Variants in NSG2 observed in about 807,000 individuals in gnomAD.
NSG2 encodes the protein neuronal vesicle trafficking associated 2, also known as neuronal vesicle trafficking-associated protein 2.
Under a neutral mutation model 16.9 loss-of-function variants are expected in NSG2, and 4 were observed. The ratio of observed to expected loss-of-function variants is 0.24; its 90% CI spans 0.12 to 0.54. The LOEUF (loss-of-function observed/expected upper bound fraction) is 0.54. NSG2 is among the 20% of genes least tolerant of loss of function. NSG2 has a pLI of 0.95. For missense variants in NSG2, 179 were observed against 221.1 expected, an observed-to-expected ratio of 0.81 and a Z score of 1.21; for synonymous variants, 98 against 88.7, an observed-to-expected ratio of 1.11 and a Z score of -0.59.
chr5:174,067,984 A>C (rs1162716301), intron 3 of NSG2, among the ~76,000 whole-genome samples: 1 of 152,012 alleles, frequency 6.6e-6, no homozygotes, highest in African/African-American at 2.4e-5. Flanking sequence ...CCACCCTTGG[A>C]ACTAATAGGT....
At chr5:174,047,868 A>G (rs1243939901) in intron 2 of NSG2, among the ~76,000 whole-genome samples, 2 of 152,234 alleles carry the variant, frequency 1.3e-5, no homozygotes, top group Admixed American at 6.5e-5. Flanking sequence ...GAGGCCAATG[A>G]TGGAGTTCCC....
At chr5:174,048,436 A>G (rs994550502) in intron 2 of NSG2, among the ~76,000 whole-genome samples, 2 of 152,194 alleles carry the variant, frequency 1.3e-5, no homozygotes, top group Non-Finnish European at 2.9e-5. Context: ...GGGATTATTC[A>G]TTCATATTTG....
chr5:174,107,823 A>G lies in NSG2; in HGVS notation c.*318A>G, dbSNP rs1289326557. ...CTTTGTTAGGAAAATGTAACAGCAG[A>G]AAAGGAAAGAAACAAAGAACATGAA... On this transcript the variant is annotated 3_prime_UTR_variant, in exon 5 of 5. Coordinates refer to ENST00000303177, the MANE Select transcript of NSG2 (RefSeq NM_015980.5). This position sits in a 1 kb window ranked among gnomAD's most constrained non-coding sequence, Gnocchi z 4.5. 3 of 513,918 alleles carry G rather than the reference A, an allele frequency of 5.8e-6. No individual in the cohort carries two copies. The highest frequency in any genetic ancestry group is 7.4e-6 in the Non-Finnish European group (2 of 269,196). 31.8% of individuals were successfully genotyped at this position (513,918 alleles called of 1,614,324 possible). A position where few individuals can be genotyped will look rare whatever the true frequency, so the allele number is the denominator to read the frequency against.
chr5:174,094,087 A>C (rs1417823319), intron 3 of NSG2, among the ~76,000 whole-genome samples: 1 of 152,246 alleles, frequency 6.6e-6, no homozygotes, highest in Non-Finnish European at 1.5e-5. Context: ...TATGTATCAC[A>C]ACGCCAATTA....
At position 174,108,268 on chromosome 5, in the gene NSG2, GC is replaced by G; in HGVS notation, c.*764del. On this transcript the variant is annotated 3_prime_UTR_variant, in exon 5 of 5. Transcript: ENST00000303177. ...AGTGGGCAGATTTTCTTTGTCTTTT[GC>G]TTGCATTTTCTAGATCCACACCTGG... 1 of 155,888 alleles carries G rather than the reference GC, an allele frequency of 6.4e-6. No homozygotes were observed. The highest frequency in any genetic ancestry group is 1.4e-5 in the Non-Finnish European group (1 of 70,154). 9.7% of individuals were successfully genotyped at this position (155,888 alleles called of 1,614,324 possible).
chr5:174,097,594 A>T (rs1410020573), intron 3 of NSG2, among the ~76,000 whole-genome samples: 77 of 95,328 alleles, frequency 8.1e-4, no homozygotes, highest in South Asian at 1.0e-3. Flanking sequence ...TGTGTGTGTA[A>T]CTGTGTGTGT....
chr5:174,086,424 G>A (rs908370583), intron 3 of NSG2: 11 of 152,198 alleles, frequency 7.2e-5, no homozygotes, highest in African/African-American at 2.7e-4. Context: ...GATCAGCCAT[G>A]TTAGAATCTC....
Position 174,050,815 on chromosome 5 carries a change from G to A in NSG2, c.129+3931G>A, listed in dbSNP as rs563914260. On this transcript the variant is annotated intron_variant, in intron 2 of 4. Coordinates refer to ENST00000303177, the MANE Select transcript of NSG2 (RefSeq NM_015980.5). Reference sequence around the variant, plus strand: ...AGACTGGTGTTTGCCTCAGGGAAGAGCAGCAGGCTCCTGAGTTGCCTCCTG... The same window carrying A: ...AGACTGGTGTTTGCCTCAGGGAAGAACAGCAGGCTCCTGAGTTGCCTCCTG... Among the ~76,000 whole-genome samples, 13 of 152,130 alleles carry A rather than the reference G, an allele frequency of 8.5e-5. No individual in the cohort carries two copies. In the South Asian group the frequency reaches 2.7e-3, roughly 32 times the overall value.
chr5:174,100,010 G>A (rs1760874949), intron 3 of NSG2, among the ~76,000 whole-genome samples: 1 of 152,162 alleles, frequency 6.6e-6, no homozygotes, highest in African/African-American at 2.4e-5. Context: ...AGACTCTTAG[G>A]GAATGATTGG....
chr5:174,075,419 T>C (rs1281651726), intron 3 of NSG2, among the ~76,000 whole-genome samples: 1 of 152,224 alleles, frequency 6.6e-6, no homozygotes, highest in African/African-American at 2.4e-5. Flanking sequence ...GGGAATTGGC[T>C]AAATTAAGCT....
chr5:174,069,996 G>A lies in NSG2; in HGVS notation c.213+5681G>A, dbSNP rs117772657. Among the ~76,000 whole-genome samples, 194 of 150,364 alleles carry A rather than the reference G, an allele frequency of 1.3e-3. 2 individuals carry two copies. In the East Asian group the frequency reaches 0.017, roughly 13 times the overall value. On this transcript the variant is annotated intron_variant, in intron 3 of 4. Coordinates refer to ENST00000303177, the MANE Select transcript of NSG2 (RefSeq NM_015980.5). The stretch of plus-strand genomic sequence containing the variant: ...AGGCTCAAGTGATCCTCCCACCTTA[G>A]CCTCCCAAAGAGCTGGGACTACAGG...
chr5:174,092,580 C>G (rs1035788744), intron 3 of NSG2, among the ~76,000 whole-genome samples: 2 of 152,176 alleles, frequency 1.3e-5, no homozygotes, highest in Non-Finnish European at 1.5e-5. Context: ...AGGCGATAGT[C>G]GAACCAAATT....
At chr5:174,063,142 C>T (rs994195302) in intron 2 of NSG2, among the ~76,000 whole-genome samples, 1 of 152,186 alleles carries the variant, frequency 6.6e-6, no homozygotes, top group African/African-American at 2.4e-5. Flanking sequence ...TCACTTAACT[C>T]TCAAAGCAAC....
rs899162963 is a variant in NSG2, at chr5:174,108,211, G to A, written c.*706G>A. The stretch of plus-strand genomic sequence containing the variant: ...CCTGGGCTCTGAATGCCCACCCTGC[G>A]ACGGTGGGTTCTGCATCAGCAAACG... On this transcript the variant is annotated 3_prime_UTR_variant, in exon 5 of 5. Transcript: ENST00000303177. 4.8e-5 allele frequency: 8 copies of A among 167,274 alleles called. No homozygotes were observed. The highest frequency in any genetic ancestry group is 2.9e-4 in the South Asian group (2 of 6,910). The allele number at this position is 167,274 out of a possible 1,614,324, so 10.4% of individuals were successfully genotyped here.
intron 3 of NSG2, among the ~76,000 whole-genome samples, chr5:174,070,979 C>T (rs1224177938): frequency 6.6e-6 from 1 of 152,230 alleles, no homozygotes; most frequent in Non-Finnish European, 1.5e-5. Flanking sequence ...CCTGATCCAG[C>T]ATTCAGAGAA....
chr5:174,063,543 ATTTTATTTTATTTTAT>A (rs1413023918), intron 2 of NSG2, among the ~76,000 whole-genome samples: 15 of 112,908 alleles, frequency 1.3e-4, no homozygotes, highest in African/African-American at 6.1e-4. Context: ...ATTTTATTTT[ATTTTATTTTATTTTAT>A]TTTATTTTAT....
At chr5:174,053,994 A>G (rs1478039459) in intron 2 of NSG2, among the ~76,000 whole-genome samples, 1 of 152,208 alleles carries the variant, frequency 6.6e-6, no homozygotes, top group Non-Finnish European at 1.5e-5. Context: ...AAAGGCCACT[A>G]TATATTGAAA....
intron 2 of NSG2, among the ~76,000 whole-genome samples, chr5:174,049,976 C>T (rs547485385): frequency 3.3e-4 from 51 of 152,266 alleles, no homozygotes; most frequent in African/African-American, 1.2e-3. Context: ...GTTCAAATCC[C>T]ACTCCAACTC....
intron 1 of NSG2, chr5:174,046,110 G>T (rs943806428): frequency 6.6e-5 from 10 of 151,422 alleles, no homozygotes; most frequent in African/African-American, 2.2e-4. Flanking sequence ...AAAAAAAATG[G>T]CCCTTCGCTA....
Sources: allele counts gnomAD v4.1 joint callset (sites outside exome capture counted in the v4.1 genomes callset), GRCh38; gene constraint gnomAD v4.1.1; non-coding constraint Gnocchi (gnomAD v3.1); transcripts MANE v1.5; gene names NCBI Gene and HGNC (gene_info 2026-07-23, HGNC 2026-07-21).